FHIT: variants seen among roughly 807,000 people sequenced by gnomAD.
The protein encoded by FHIT is fragile histidine triad diadenosine triphosphatase.
In FHIT, 19 loss-of-function variants were observed where a neutral mutation model predicts 17.9. The ratio of observed to expected loss-of-function variants is 1.06; its 90% CI spans 0.74 to 1.56. The LOEUF is 1.56. Ranked by LOEUF, FHIT falls within the 40% of genes most tolerant of loss-of-function variation. FHIT has a pLI of 0.00. For missense variants in FHIT, 248 were observed against 189.2 expected, an observed-to-expected ratio of 1.31 and a Z score of -1.82; for synonymous variants, 81 against 69.7, an observed-to-expected ratio of 1.16 and a Z score of -0.81.
At chr3:60,651,494 C>T (rs2039989385) in intron 4 of FHIT, among the ~76,000 whole-genome samples, 1 of 151,866 alleles carries the variant, frequency 6.6e-6, no homozygotes, top group Admixed American at 6.6e-5. Flanking sequence ...GAGGTCTTGG[C>T]CCATTTATTT....
At chr3:60,662,815 G>C (rs2040289864) in intron 4 of FHIT, among the ~76,000 whole-genome samples, 1 of 151,844 alleles carries the variant, frequency 6.6e-6, no homozygotes, top group South Asian at 2.1e-4. Context: ...ATTTTGCCTT[G>C]CCTTACATAC....
chr3:59,962,462 G>C (rs1267877033), intron 7 of FHIT, among the ~76,000 whole-genome samples: 1 of 152,094 alleles, frequency 6.6e-6, no homozygotes, highest in Non-Finnish European at 1.5e-5. Flanking sequence ...TAAATCAAAA[G>C]TTCTGAAAAG....
intron 4 of FHIT, among the ~76,000 whole-genome samples, chr3:60,560,676 C>T (rs1432035761): frequency 6.6e-6 from 1 of 151,974 alleles, no homozygotes; most frequent in Non-Finnish European, 1.5e-5. Flanking sequence ...GCAGACTGTT[C>T]ACAACCACAA....
chr3:59,770,977 T>C (rs1702048103), intron 8 of FHIT, among the ~76,000 whole-genome samples: 1 of 152,226 alleles, frequency 6.6e-6, no homozygotes, highest in Non-Finnish European at 1.5e-5. Context: ...AAGTCAAGCT[T>C]AGATGGTGCC....
chr3:61,190,629 T>C (rs28766341), intron 2 of FHIT, among the ~76,000 whole-genome samples: 33,912 of 152,022 alleles, frequency 0.22, 4,891 homozygotes, highest in East Asian at 0.72. Context: ...GACACATGCA[T>C]ACGTATGTTT....
chr3:60,934,275 A>G (rs1222462420), intron 3 of FHIT, among the ~76,000 whole-genome samples: 2 of 152,118 alleles, frequency 1.3e-5, no homozygotes, highest in Non-Finnish European at 2.9e-5. Context: ...GTACAGCCCT[A>G]TCAAAAAAAA....
chr3:60,792,371 G>C (rs1700812203), intron 4 of FHIT, among the ~76,000 whole-genome samples: 1 of 152,036 alleles, frequency 6.6e-6, no homozygotes. Flanking sequence ...CACTTACACA[G>C]AGAGAATATG....
At chr3:60,936,737 T>C (rs1380854235) in intron 3 of FHIT, among the ~76,000 whole-genome samples, 4 of 152,316 alleles carry the variant, frequency 2.6e-5, no homozygotes, top group Admixed American at 1.3e-4. Context: ...GATTTGTAAA[T>C]TGAACTCCCC....
intron 5 of FHIT, among the ~76,000 whole-genome samples, chr3:60,403,968 G>C (rs1701757839): frequency 6.6e-6 from 1 of 152,126 alleles, no homozygotes; most frequent in Non-Finnish European, 1.5e-5. Context: ...TAAAAGGACA[G>C]AACTTTGCAA....
intron 7 of FHIT, among the ~76,000 whole-genome samples, chr3:59,968,255 C>T (rs1708019852): frequency 6.6e-6 from 1 of 152,052 alleles, no homozygotes. Context: ...ACTCTCCACT[C>T]CAGGTGATGA....
At chr3:60,177,913 A>G (rs1415322806) in intron 5 of FHIT, among the ~76,000 whole-genome samples, 1 of 152,198 alleles carries the variant, frequency 6.6e-6, no homozygotes, top group Non-Finnish European at 1.5e-5. Flanking sequence ...TTCAAGTCCC[A>G]AAGTATTTTG....
intron 5 of FHIT, among the ~76,000 whole-genome samples, chr3:60,529,265 G>T (rs914166221): frequency 1.3e-5 from 2 of 152,038 alleles, no homozygotes; most frequent in Admixed American, 6.6e-5. Context: ...CTAATTCTAA[G>T]AGTTGAACAC....
chr3:60,625,022 C>G (rs964141773), intron 4 of FHIT, among the ~76,000 whole-genome samples: 1 of 152,158 alleles, frequency 6.6e-6, no homozygotes, highest in African/African-American at 2.4e-5. Context: ...AATCCTCCCA[C>G]TTCAGCCTCC....
At position 60,046,451 on chromosome 3, in the gene FHIT, G is replaced by C. The variant is rs374770554; in HGVS notation, c.104-32299C>G. 4.1e-4 allele frequency among the ~76,000 whole-genome samples: 63 copies of C among 152,274 alleles called. No individual in the cohort carries two copies. In the South Asian group the frequency reaches 0.012, roughly 28 times the overall value. ...TACAAGCTGGAATTGAAGAGGGCTC[G>C]GCCAGCTGACAGCAGAAGTTTGCGC... On this transcript the variant is annotated intron_variant, in intron 5 of 9. Transcript: ENST00000492590.
chr3:61,007,969 C>T (rs1247741299), intron 3 of FHIT, among the ~76,000 whole-genome samples: 1 of 152,154 alleles, frequency 6.6e-6, no homozygotes, highest in African/African-American at 2.4e-5. Context: ...TAGTATGTTT[C>T]ATGCTCCCAA....
intron 5 of FHIT, among the ~76,000 whole-genome samples, chr3:60,246,893 T>C (rs1254469984): frequency 6.6e-6 from 1 of 152,126 alleles, no homozygotes; most frequent in Non-Finnish European, 1.5e-5. Context: ...TGATTACGTA[T>C]TTTAAGTTAG....
intron 4 of FHIT, among the ~76,000 whole-genome samples, chr3:60,783,499 G>C (rs1157150720): frequency 6.6e-6 from 1 of 152,148 alleles, no homozygotes; most frequent in Non-Finnish European, 1.5e-5. Flanking sequence ...CTTAAATAGT[G>C]ATTGATGAGG....
chr3:60,734,175 T>TA (rs11460605), intron 4 of FHIT, among the ~76,000 whole-genome samples: 80,977 of 151,856 alleles, frequency 0.53, 21,805 homozygotes, highest in East Asian at 0.68. Context: ...CAGACATCAT[T>TA]AAGTGATCAC....
intron 8 of FHIT, among the ~76,000 whole-genome samples, chr3:59,817,213 T>C (rs544914456): frequency 3.9e-5 from 6 of 152,366 alleles, no homozygotes; most frequent in African/African-American, 1.2e-4. Context: ...GTAATTTTAA[T>C]GTTTGTGTGT....
Sources: gnomAD v4.1 joint callset for allele counts (sites outside exome capture counted in the v4.1 genomes callset) on GRCh38, gnomAD v4.1.1 for gene constraint, MANE v1.5 for transcripts, NCBI Gene and HGNC (gene_info 2026-07-23, HGNC 2026-07-21) for gene names.